SPEF2: variants seen among roughly 807,000 people sequenced by gnomAD.
SPEF2 encodes sperm flagella and cilia-associated protein 2.
In SPEF2, 187 loss-of-function variants were observed where a neutral mutation model predicts 224.6. The observed-to-expected ratio is 0.83, with a 90% CI of 0.74 to 0.94. SPEF2 has a LOEUF of 0.94. Ranked by LOEUF, SPEF2 falls within the 40% of genes least tolerant of loss-of-function variation. The pLI is 0.00. For synonymous variants in SPEF2, 715 were observed against 707.3 expected, an observed-to-expected ratio of 1.01 and a Z score of -0.17; for missense variants, 2,170 against 2,135.6, an observed-to-expected ratio of 1.02 and a Z score of -0.32.
At chr5:35,629,921 C>A (rs1744842962) in intron 2 of SPEF2, among the ~76,000 whole-genome samples, 1 of 152,150 alleles carries the variant, frequency 6.6e-6, no homozygotes, top group Non-Finnish European at 1.5e-5. Context: ...TATGGATATA[C>A]CATACCACAT....
At chr5:35,664,412 T>C (rs2149463850) in intron 8 of SPEF2, among the ~76,000 whole-genome samples, 1 of 151,682 alleles carries the variant, frequency 6.6e-6, no homozygotes, top group South Asian at 2.1e-4. Context: ...AAGGAAAGGC[T>C]GACCATGGTG....
In SPEF2 at chr5:35,649,425, G is replaced by A; in HGVS notation, c.791G>A (p.Ser264Asn). The change falls in exon 6 of 37, where the codon AGT (serine) becomes AAT (asparagine). Residue 264 changes from serine to asparagine, a missense_variant and splice_region_variant. Coordinates refer to ENST00000356031, the MANE Select transcript of SPEF2 (RefSeq NM_024867.4). ...LIKKDLQAKESASKTSLDTAG... is the reference protein window; with the variant it reads ...LIKKDLQAKENASKTSLDTAG... ...AAAAAGGATCTCCAAGCAAAAGAAAGGTGAGATGTGAGCTATTTTAAGAAT... is the reference window on the plus strand; with the variant it reads ...AAAAAGGATCTCCAAGCAAAAGAAAAGTGAGATGTGAGCTATTTTAAGAAT... 6.2e-7 allele frequency: 1 copy of A among 1,609,016 alleles called. No homozygotes were observed. The highest frequency in any genetic ancestry group is 8.5e-7 in the Non-Finnish European group (1 of 1,177,608).
rs371386338 is a variant in SPEF2 at position 35,795,712 on chromosome 5, T to C, written c.4747T>C (p.Trp1583Arg). The change falls in exon 33 of 37, where the codon TGG (tryptophan) becomes CGG (arginine). Residue 1583 changes from tryptophan (W) to arginine (R), a missense_variant. Coordinates refer to ENST00000356031, the MANE Select transcript of SPEF2 (RefSeq NM_024867.4). ...TFEQYMQAGL[W>R]FTGDEDIKIP... ...TTTATTTTTTATGTAGGCTGGTCTGTGGTTTACAGGAGATGAAGATATAAA... is the reference window on the plus strand; with the variant it reads ...TTTATTTTTTATGTAGGCTGGTCTGCGGTTTACAGGAGATGAAGATATAAA... 30 of 1,613,044 alleles carry C rather than the reference T, an allele frequency of 1.9e-5. No individual in the cohort carries two copies. Among genetic ancestry groups the C allele is most frequent in the Non-Finnish European group, 2.3e-5 (27 of 1,179,636 alleles).
At chr5:35,643,209 G>A (rs900647183) in intron 3 of SPEF2, among the ~76,000 whole-genome samples, 7 of 152,170 alleles carry the variant, frequency 4.6e-5, no homozygotes, top group African/African-American at 1.7e-4. Flanking sequence ...GGTCATGGGT[G>A]AACTTCAAGC....
In SPEF2 at chr5:35,700,627, A is replaced by G. The variant is rs1380541484; in HGVS notation, c.2273A>G (p.Lys758Arg). ...GAAGTGGAAAGAAAAAAAGCACAAA[A>G]ATCCACATTGGCTATTGATCCTGCG... ...LTEVERKKAQ[K>R]STLAIDPATS... The change falls in exon 16 of 37, where the codon AAA becomes AGA. Residue 758 changes from lysine to arginine, a missense_variant. By Grantham distance (26) the Lys-to-Arg change is conservative (BLOSUM62 2). Coordinates refer to ENST00000356031, the MANE Select transcript of SPEF2 (RefSeq NM_024867.4). The G allele has an allele frequency of 6.2e-7, 1 of 1,613,952 alleles. No individual in the cohort carries two copies. The highest frequency in any genetic ancestry group is 1.1e-5 in the South Asian group (1 of 91,084).
chr5:35,630,017 A>G (rs73078255), intron 2 of SPEF2, among the ~76,000 whole-genome samples: 3,064 of 152,328 alleles, frequency 0.02, 101 homozygotes, highest in African/African-American at 0.07. Flanking sequence ...ACAGATATCA[A>G]AACCCAATAG....
intron 10 of SPEF2, 27 bp from the exon 11 acceptor site, chr5:35,691,010 C>A (rs768715855): frequency 1.3e-6 from 2 of 1,573,156 alleles, no homozygotes; most frequent in Non-Finnish European, 1.7e-6. Context: ...CAGAATATTT[C>A]TGTTTATTTG....
At chr5:35,739,469 G>A (rs7728863) in intron 21 of SPEF2, among the ~76,000 whole-genome samples, 3,678 of 152,202 alleles carry the variant, frequency 0.024, 167 homozygotes, top group African/African-American at 0.085. Context: ...TGCAAGCTCC[G>A]CCTCCCAGGT....
At chr5:35,708,862 T>C in intron 18 of SPEF2, 86 bp from the exon 19 acceptor site, 1 of 1,236,004 alleles carries the variant, frequency 8.1e-7, no homozygotes, top group Non-Finnish European at 1.1e-6. Flanking sequence ...GATTGTTTTA[T>C]ATTAATTTAG....
At position 35,799,950 on chromosome 5, in the gene SPEF2, A is replaced by C; in HGVS notation, c.4831-18A>C. ...GAGAGTGCACCCATTTTATCTTTGG[A>C]ATTCTTTTTGTGTGCAGTTTTTCTT... On this transcript the variant is annotated intron_variant, in intron 33 of 36. Transcript: ENST00000356031. The C allele has an allele frequency of 6.2e-7, 1 of 1,613,198 alleles. No individual in the cohort carries two copies. The highest frequency in any genetic ancestry group is 8.5e-7 in the Non-Finnish European group (1 of 1,179,450).
chr5:35,652,670 A>G (rs1388324749), intron 6 of SPEF2, among the ~76,000 whole-genome samples: 1 of 152,222 alleles, frequency 6.6e-6, no homozygotes, highest in Non-Finnish European at 1.5e-5. Context: ...AGGTGCAGGC[A>G]GAAGAAAAAT....
chr5:35,801,534 A>G (rs1757425641), intron 34 of SPEF2, among the ~76,000 whole-genome samples: 1 of 152,096 alleles, frequency 6.6e-6, no homozygotes, highest in South Asian at 2.1e-4. Flanking sequence ...AAATTCCCAA[A>G]TAAGTGAGGA....
intron 33 of SPEF2, among the ~76,000 whole-genome samples, chr5:35,799,712 T>A (rs1308746311): frequency 6.6e-6 from 1 of 152,198 alleles, no homozygotes; most frequent in Non-Finnish European, 1.5e-5. Context: ...TACCCTTAAT[T>A]AGTACAGTAT....
chr5:35,774,036 G>A lies in SPEF2; in HGVS notation c.4078+15G>A, dbSNP rs751305106. On this transcript the variant is annotated intron_variant, in intron 28 of 36. Coordinates refer to ENST00000356031, the MANE Select transcript of SPEF2 (RefSeq NM_024867.4). ...GCAATTTGAAGGTAGCGATTGAAAC[G>A]ACTAAGATGATGCTTTTCAGTAGAA... 29 of 1,608,604 alleles carry A rather than the reference G, an allele frequency of 1.8e-5. No homozygotes were observed. Among genetic ancestry groups the A allele is most frequent in the Non-Finnish European group, 2.4e-5 (28 of 1,177,932 alleles).
At chr5:35,685,186 A>G (rs1753412324) in intron 10 of SPEF2, among the ~76,000 whole-genome samples, 1 of 152,190 alleles carries the variant, frequency 6.6e-6, no homozygotes, top group Admixed American at 6.5e-5. Context: ...GCAGTCAAAT[A>G]GGATTATATT....
intron 10 of SPEF2, 89 bp downstream of exon 10, chr5:35,670,316 A>G: frequency 2.0e-6 from 3 of 1,475,302 alleles, no homozygotes; most frequent in Non-Finnish European, 2.7e-6. Context: ...TTTCATTTCT[A>G]CTAATAAAAA....
At chr5:35,706,788 A>G (rs1386951391) in intron 18 of SPEF2, among the ~76,000 whole-genome samples, 1 of 152,144 alleles carries the variant, frequency 6.6e-6, no homozygotes, top group Non-Finnish European at 1.5e-5. Context: ...TCCTACATCT[A>G]AATGCCTACT....
chr5:35,774,283 G>T (rs1753294117), intron 28 of SPEF2, among the ~76,000 whole-genome samples: 1 of 152,046 alleles, frequency 6.6e-6, no homozygotes, highest in Non-Finnish European at 1.5e-5. Flanking sequence ...AAAAGAATTT[G>T]GTAATGGGTT....
At chr5:35,686,022 A>G (rs1466766354) in intron 10 of SPEF2, among the ~76,000 whole-genome samples, 1 of 151,972 alleles carries the variant, frequency 6.6e-6, no homozygotes, top group Non-Finnish European at 1.5e-5. Flanking sequence ...GAGTTCCTTT[A>G]TCTCCCCAAA....
Sources: gnomAD v4.1 joint callset for allele counts (sites outside exome capture counted in the v4.1 genomes callset) on GRCh38, gnomAD v4.1.1 for gene constraint, MANE v1.5 for transcripts, NCBI Gene and HGNC (gene_info 2026-07-23, HGNC 2026-07-21) for gene names.